Variants in CFAP74 observed in about 807,000 individuals in gnomAD.
CFAP74 encodes cilia and flagella associated protein 74, also known as cilia- and flagella-associated protein 74.
A neutral mutation model predicts 188.9 loss-of-function variants in CFAP74; 124 were observed. That is an observed-to-expected ratio of 0.66 (90% CI 0.57 to 0.76). CFAP74 has a LOEUF of 0.76. CFAP74 is among the 30% of genes least tolerant of loss of function. CFAP74 has a pLI of 0.00. For missense variants in CFAP74, 2,198 were observed against 2,165.2 expected, an observed-to-expected ratio of 1.02 and a Z score of -0.30; for synonymous variants, 956 against 916.7, an observed-to-expected ratio of 1.04 and a Z score of -0.77.
intron 18 of CFAP74, among the ~76,000 whole-genome samples, chr1:1,950,474 G>A (rs1654138965): frequency 6.6e-6 from 1 of 151,928 alleles, no homozygotes; most frequent in Non-Finnish European, 1.5e-5. Flanking sequence ...CGAGTAGCTG[G>A]GATTACAGGT....
In CFAP74 at chr1:1,924,449, C is replaced by T. The variant is rs1415582458; in HGVS notation, c.4176G>A (p.Arg1392=). ...GGAACTGCGGCAGCTGCTGCTGGCC[C>T]CGGCCCCGGGTGCTGGAGAGGCTGT... ...HLDSLSSTRG[R]GQQQLPQFLS... is the part of the protein sequence containing the mutation. The change falls in exon 34 of 39, where the codon CGG becomes CGA. Residue 1392 remains arginine, a synonymous_variant. Transcript: ENST00000682832. The T allele has an allele frequency of 1.3e-6, 2 of 1,576,088 alleles. No individual in the cohort carries two copies. Among genetic ancestry groups the T allele is most frequent in the South Asian group, 2.3e-5 (2 of 87,756 alleles).
chr1:1,985,644 C>A lies in CFAP74; in HGVS notation c.396-154G>T, dbSNP rs369901759. On this transcript the variant is annotated intron_variant, in intron 5 of 38. Coordinates refer to ENST00000682832, the MANE Select transcript of CFAP74 (RefSeq NM_001304360.2). ...AATGGAGCGTGGGGCTGGCGGGAGG[C>A]TCTCCACATGCCCCTTTCCGCTGGG... 4.4e-4 allele frequency among the ~76,000 whole-genome samples: 67 copies of A among 152,392 alleles called. No individual in the cohort carries two copies. In the East Asian group the frequency reaches 0.012, roughly 27 times the overall value.
intron 24 of CFAP74, 51 bp downstream of exon 24, chr1:1,939,543 A>G (rs2102044855): frequency 6.7e-7 from 1 of 1,500,410 alleles, no homozygotes; most frequent in South Asian, 1.2e-5. Flanking sequence ...TCCTGTCCCC[A>G]GGACTTCCCA....
At position 1,926,271 on chromosome 1, in the gene CFAP74, G is replaced by A; in HGVS notation, c.3905C>T (p.Thr1302Ile). The part of the protein sequence containing the change: ...NHSSLLRAGG[T>I]QVLVLSFSPH... ...AGAGAAGGAAAGCACCAGGACCTGG[G>A]TCCCACCTGCACGCAGCAGGCTGGA... Residue 1302 changes from threonine to isoleucine, a missense_variant, in exon 32 of 39, where the codon ACC becomes ATC. Transcript: ENST00000682832. The A allele has an allele frequency of 6.5e-7, 1 of 1,538,734 alleles. No individual in the cohort carries two copies. Among genetic ancestry groups the A allele is most frequent in the Non-Finnish European group, 8.8e-7 (1 of 1,140,144 alleles).
chr1:1,971,388 CG>C lies in CFAP74; in HGVS notation c.889-573del, dbSNP rs1558043485. On this transcript the variant is annotated intron_variant, in intron 9 of 38. Coordinates refer to ENST00000682832, the MANE Select transcript of CFAP74 (RefSeq NM_001304360.2). Reference sequence around the variant, plus strand: ...ACACACACGGTCACACATGCACACACGTGCACACACGGTCACACATGCACAC... The same window carrying C: ...ACACACACGGTCACACATGCACACACTGCACACACGGTCACACATGCACAC... Among the ~76,000 whole-genome samples the C allele has an allele frequency of 2.4e-3, 370 of 151,816 alleles. 1 individual carries two copies. The highest frequency in any genetic ancestry group is 8.3e-3 in the African/African-American group (342 of 41,306).
At chr1:1,999,678 G>A (rs1182009211) in intron 1 of CFAP74, among the ~76,000 whole-genome samples, 3 of 151,810 alleles carry the variant, frequency 2.0e-5, no homozygotes, top group Non-Finnish European at 1.5e-5. Context: ...TTAGCCAGGC[G>A]CGGTGGCGTG....
rs1045851343 is a variant in CFAP74 at position 1,965,125 on chromosome 1, G to T, written c.1402-64C>A. ...CTCCACCTGGGCGGCGCCGGTGGCA[G>T]CTCGGAGGCGAGGGTAGCGGTTAGC... On this transcript the variant is annotated intron_variant, in intron 12 of 38. Transcript: ENST00000682832. 7 of 1,499,682 alleles carry T rather than the reference G, an allele frequency of 4.7e-6. No individual in the cohort carries two copies. The Admixed American group carries it at 5.8e-5, about 12-fold the overall frequency. The allele number at this position is 1,499,682 out of a possible 1,614,324, so 92.9% of individuals were successfully genotyped here.
rs1030214420 is a variant in CFAP74 at position 1,923,986 on chromosome 1, T to G, written c.4235-57A>C. ...CTCCACCTGCAATCACTGTCTGCCCTCCAAGCCTTGCTGCATAGAGCTCTA... is the reference window on the plus strand; with the variant it reads ...CTCCACCTGCAATCACTGTCTGCCCGCCAAGCCTTGCTGCATAGAGCTCTA... On this transcript the variant is annotated intron_variant, in intron 34 of 38. Coordinates refer to ENST00000682832, the MANE Select transcript of CFAP74 (RefSeq NM_001304360.2). The surrounding 1 kb of genome is among the most constrained non-coding windows in gnomAD (Gnocchi z 6.3). 1 of 1,554,658 alleles carries G rather than the reference T, an allele frequency of 6.4e-7. No homozygotes were observed. Among genetic ancestry groups the G allele is most frequent in the Non-Finnish European group, 8.7e-7 (1 of 1,146,312 alleles).
At chr1:1,939,262 G>A (rs1041718792) in intron 24 of CFAP74, among the ~76,000 whole-genome samples, 15 of 152,352 alleles carry the variant, frequency 9.8e-5, no homozygotes, top group Admixed American at 3.3e-4. Flanking sequence ...CGGTGTTGGC[G>A]GCGGGGCAGC....
intron 26 of CFAP74, 53 bp from the exon 27 acceptor site, chr1:1,928,935 G>A (rs766486499): frequency 5.2e-5 from 68 of 1,307,418 alleles, no homozygotes; most frequent in Admixed American, 1.6e-4. Context: ...CCACCTCCCC[G>A]GAGCCCCTGC....
chr1:1,939,671 C>G lies in CFAP74; in HGVS notation c.2800G>C (p.Glu934Gln). Residue 934 changes from glutamate (E) to glutamine (Q), a missense_variant, in exon 24 of 39, where the codon GAG becomes CAG. Transcript: ENST00000682832. Reference sequence around the variant, plus strand: ...AGGCTGATTTCCGTCCTGATGGCCTCATAGATGGTGCAGTAGCCAAAATCC... The same window carrying G: ...AGGCTGATTTCCGTCCTGATGGCCTGATAGATGGTGCAGTAGCCAAAATCC... ...EVDFGYCTIY[E>Q]AIRTEISLHN... 6.5e-7 allele frequency: 1 copy of G among 1,536,078 alleles called. No individual in the cohort carries two copies. Among genetic ancestry groups the G allele is most frequent in the Non-Finnish European group, 8.7e-7 (1 of 1,146,868 alleles).
chr1:1,980,561 A>G (rs574672565), intron 6 of CFAP74, among the ~76,000 whole-genome samples: 1 of 152,310 alleles, frequency 6.6e-6, no homozygotes, highest in Non-Finnish European at 1.5e-5. Context: ...AGGTGGTGTG[A>G]GCGGGCAGGG....
rs528770661 is a variant in CFAP74, at chr1:1,987,543, G to A, written c.297-508C>T. On this transcript the variant is annotated intron_variant, in intron 4 of 38. Coordinates refer to ENST00000682832, the MANE Select transcript of CFAP74 (RefSeq NM_001304360.2). ...AAAGCCCAGAGCATGAACTCTGGAG[G>A]TCGCTTTTTTTTTTCCCGAGACAGA... 4.8e-3 allele frequency among the ~76,000 whole-genome samples: 522 copies of A among 107,972 alleles called. 2 individuals carry two copies. Among genetic ancestry groups the A allele is most frequent in the African/African-American group, 0.028 (495 of 17,624 alleles). 70.8% of individuals were successfully genotyped at this position (107,972 alleles called of 152,430 possible). A position where few individuals can be genotyped will look rare whatever the true frequency, so the allele number is the denominator to read the frequency against.
intron 16 of CFAP74, among the ~76,000 whole-genome samples, chr1:1,957,183 C>T (rs916846741): frequency 3.3e-5 from 5 of 152,212 alleles, no homozygotes; most frequent in African/African-American, 4.8e-5. Flanking sequence ...AACGGGAGCA[C>T]GCCCTCCATG....
Position 1,926,443 on chromosome 1 carries a change from G to A in CFAP74, c.3828+14C>T, listed in dbSNP as rs1260936264. 3 of 1,550,300 alleles carry A rather than the reference G, an allele frequency of 1.9e-6. No individual in the cohort carries two copies. Among genetic ancestry groups the A allele is most frequent in the Non-Finnish European group, 1.7e-6 (2 of 1,146,898 alleles). On this transcript the variant is annotated intron_variant, in intron 31 of 38. Transcript: ENST00000682832. ...CCACCCCGCAGGCCGCCTGAGCTGG[G>A]TGGACAAGGACACGGCCAGATCCTC...
At chr1:1,962,274 A>G (rs954580343) in intron 14 of CFAP74, among the ~76,000 whole-genome samples, 3 of 152,202 alleles carry the variant, frequency 2.0e-5, no homozygotes, top group East Asian at 1.9e-4. Flanking sequence ...TCAGGAGTTC[A>G]TGACCAGCCT....
chr1:1,970,556 G>C lies in CFAP74; in HGVS notation c.1046+103C>G, dbSNP rs929062606. ...AGCCGCCTGAGTGGGCGCCCTGGGA[G>C]AGAGAGCAGCTTTGCTCAATGTGAA... On this transcript the variant is annotated intron_variant, in intron 10 of 38. Transcript: ENST00000682832. The C allele has an allele frequency of 5.3e-6, 7 of 1,316,540 alleles. No individual in the cohort carries two copies. In the Admixed American group the frequency reaches 1.7e-4, roughly 32 times the overall value. 81.6% of individuals were successfully genotyped at this position (1,316,540 alleles called of 1,614,324 possible). A position where few individuals can be genotyped will look rare whatever the true frequency, so the allele number is the denominator to read the frequency against.
Position 1,935,107 on chromosome 1 carries a change from G to A in CFAP74, c.3011+3748C>T, listed in dbSNP as rs765668742. On this transcript the variant is annotated intron_variant, in intron 25 of 38. Coordinates refer to ENST00000682832, the MANE Select transcript of CFAP74 (RefSeq NM_001304360.2). ...AGGTTGTGGGTACACAGGTGTGTAC[G>A]TGGGTGTTAGGTTGTAGGTACACAC... Among the ~76,000 whole-genome samples the A allele has an allele frequency of 8.9e-5, 8 of 90,016 alleles. 2 individuals carry two copies. The highest frequency in any genetic ancestry group is 1.9e-4 in the Non-Finnish European group (8 of 42,316). The allele number at this position is 90,016 out of a possible 152,430, so 59.1% of individuals were successfully genotyped here. A position where few individuals can be genotyped will look rare whatever the true frequency, so the allele number is the denominator to read the frequency against.
intron 14 of CFAP74, among the ~76,000 whole-genome samples, chr1:1,962,897 CAAAG>C (rs1655191719): frequency 6.6e-6 from 1 of 151,846 alleles, no homozygotes; most frequent in Non-Finnish European, 1.5e-5. Flanking sequence ...AAAAACAAAA[CAAAG>C]AAAAGGAAAG....
Sources: gnomAD v4.1 joint callset for allele counts (sites outside exome capture counted in the v4.1 genomes callset) on GRCh38, gnomAD v4.1.1 for gene constraint, Gnocchi (gnomAD v3.1) non-coding constraint, MANE v1.5 for transcripts, NCBI Gene and HGNC (gene_info 2026-07-23, HGNC 2026-07-21) for gene names.